The following SKIC3 variants were observed in gnomAD, a reference collection of about 807,000 sequenced individuals.
SKIC3 encodes the protein superkiller complex protein 3.
chr5:95,484,340 CTTTTTTTTTTTTTT>C, the SKIC3 span, among the ~76,000 whole-genome samples: 1 of 119,930 alleles, frequency 8.3e-6, no homozygotes, highest in Non-Finnish European at 1.7e-5. Flanking sequence ...ATGCATTCCT[CTTTTTTTTTTTTTT>C]TTTTTTTTTC....
chr5:95,530,323 C>T, the SKIC3 span: 6 of 1,394,174 alleles, frequency 4.3e-6, no homozygotes, highest in Non-Finnish European at 6.0e-6. Flanking sequence ...CCTTTATATT[C>T]TTATGCATTC....
At chr5:95,553,879 T>TC in the SKIC3 span, among the ~76,000 whole-genome samples, 4 of 152,182 alleles carry the variant, frequency 2.6e-5, no homozygotes, top group Admixed American at 2.6e-4. Context: ...TTTTGCATGC[T>TC]CCCGCAGATC....
the SKIC3 span, among the ~76,000 whole-genome samples, chr5:95,485,737 T>C: frequency 1.3e-5 from 2 of 152,210 alleles, no homozygotes; most frequent in African/African-American, 4.8e-5. Context: ...GAATTTAAGA[T>C]AGCTATTCAA....
At chr5:95,473,823 T>G in the SKIC3 span, among the ~76,000 whole-genome samples, 1 of 152,240 alleles carries the variant, frequency 6.6e-6, no homozygotes. Context: ...CTTTGTCAGA[T>G]GCATAGTTTG....
At chr5:95,524,350 G>C in the SKIC3 span, 1 of 1,444,394 alleles carries the variant, frequency 6.9e-7, no homozygotes, top group Non-Finnish European at 9.4e-7. Context: ...ACATATGAAA[G>C]ATAAAGCACA....
chr5:95,478,402 G>A, the SKIC3 span: 3 of 1,613,968 alleles, frequency 1.9e-6, no homozygotes, highest in South Asian at 3.3e-5. Context: ...CATCTCTGCA[G>A]CTCTCATCAT....
At chr5:95,499,064 T>C in the SKIC3 span, among the ~76,000 whole-genome samples, 1 of 152,218 alleles carries the variant, frequency 6.6e-6, no homozygotes, top group South Asian at 2.1e-4. Context: ...AGATAGCAAT[T>C]TCCCTGACTG....
the SKIC3 span, chr5:95,517,213 C>T: frequency 6.2e-7 from 1 of 1,613,346 alleles, no homozygotes; most frequent in Non-Finnish European, 8.5e-7. Context: ...CCTAGAAGGA[C>T]TCCTAAAACA....
chr5:95,506,140 T>C, the SKIC3 span, among the ~76,000 whole-genome samples: 1 of 152,244 alleles, frequency 6.6e-6, no homozygotes, highest in Non-Finnish European at 1.5e-5. Context: ...TTTTTTCAAC[T>C]TTTAAATTTA....
At chr5:95,543,430 C>T in the SKIC3 span, 62,806 of 1,295,300 alleles carry the variant, frequency 0.048, 2,121 homozygotes, top group East Asian at 0.13. Flanking sequence ...ATATCTACCA[C>T]TTAACAGGGC....
the SKIC3 span, among the ~76,000 whole-genome samples, chr5:95,483,782 C>T: frequency 6.6e-6 from 1 of 151,282 alleles, no homozygotes; most frequent in African/African-American, 2.5e-5. Context: ...TATTGAGCCC[C>T]TACTATGTTC....
the SKIC3 span, chr5:95,523,140 T>C: frequency 6.3e-7 from 1 of 1,599,984 alleles, no homozygotes; most frequent in African/African-American, 1.3e-5. Context: ...ACAATTAAAA[T>C]GCTTAATTTA....
At chr5:95,503,146 T>C in the SKIC3 span, 2 of 884,552 alleles carry the variant, frequency 2.3e-6, no homozygotes, top group Non-Finnish European at 3.4e-6. Context: ...GCAGATAGAA[T>C]AAAAATTTAT....
the SKIC3 span, among the ~76,000 whole-genome samples, chr5:95,541,016 G>C: frequency 6.6e-6 from 1 of 152,094 alleles, no homozygotes; most frequent in South Asian, 2.1e-4. Context: ...TCCCAGGCTG[G>C]AATGCAATGG....
the SKIC3 span, among the ~76,000 whole-genome samples, chr5:95,516,091 C>T: frequency 2.0e-5 from 3 of 152,062 alleles, no homozygotes; most frequent in African/African-American, 7.2e-5. Flanking sequence ...GATTCAGAAT[C>T]AAACTGTTTT....
the SKIC3 span, among the ~76,000 whole-genome samples, chr5:95,484,500 C>A: frequency 1.8e-4 from 27 of 151,968 alleles, no homozygotes; most frequent in African/African-American, 5.6e-4. Flanking sequence ...GCATGTGTCA[C>A]CAGGACCGGT....
At chr5:95,502,055 G>A in the SKIC3 span, among the ~76,000 whole-genome samples, 2 of 152,138 alleles carry the variant, frequency 1.3e-5, no homozygotes, top group South Asian at 2.1e-4. Context: ...ATAAACAAAT[G>A]TAAAGTTTAT....
At chr5:95,527,185 G>A in the SKIC3 span, among the ~76,000 whole-genome samples, 2 of 152,140 alleles carry the variant, frequency 1.3e-5, no homozygotes, top group African/African-American at 4.8e-5. Flanking sequence ...AGCATGACAA[G>A]GTGTTCTTGG....
the SKIC3 span, chr5:95,523,184 T>C: frequency 6.2e-7 from 1 of 1,613,494 alleles, no homozygotes; most frequent in East Asian, 2.2e-5. Context: ...ATAGTTTAAA[T>C]ACAATAAGGT....
Sources: gnomAD v4.1 joint callset for allele counts (sites outside exome capture counted in the v4.1 genomes callset) on GRCh38, gnomAD v4.1.1 for gene constraint, MANE v1.5 for transcripts, NCBI Gene and HGNC (gene_info 2026-07-23, HGNC 2026-07-21) for gene names.